Variants in XRCC4 observed in about 807,000 individuals in gnomAD.
XRCC4 encodes the protein X-ray repair cross complementing 4.
XRCC4 carries 28 observed loss-of-function variants against 39.1 expected under a neutral mutation model. The ratio of observed to expected loss-of-function variants is 0.72; its 90% CI spans 0.53 to 0.98. The LOEUF (loss-of-function observed/expected upper bound fraction) is 0.98. Among genes scored for constraint, XRCC4 ranks in the 50% least tolerant of loss-of-function variants. XRCC4 has a pLI of 0.00. For missense variants in XRCC4, 350 were observed against 376.4 expected, an observed-to-expected ratio of 0.93 and a Z score of 0.58; for synonymous variants, 123 against 126.4, an observed-to-expected ratio of 0.97 and a Z score of 0.18.
intron 3 of XRCC4, 142 bp from the exon 4 acceptor site, chr5:83,195,628 A>G (rs1580355572): frequency 1.3e-6 from 1 of 752,926 alleles, no homozygotes; most frequent in South Asian, 4.0e-5. Context: ...TTTTTTGCTC[A>G]CTGTTTGTAT....
chr5:83,249,468 A>G (rs16900267), intron 6 of XRCC4, among the ~76,000 whole-genome samples: 2,551 of 152,260 alleles, frequency 0.017, 80 homozygotes, highest in African/African-American at 0.058. Flanking sequence ...AACAACTACA[A>G]ACTGGCCAAA....
chr5:83,359,283 G>T, the XRCC4 span, among the ~76,000 whole-genome samples: 1 of 152,224 alleles, frequency 6.6e-6, no homozygotes, highest in South Asian at 2.1e-4. Context: ...AGAGGAGTTT[G>T]AAGTAGCGTA....
chr5:83,229,478 G>A (rs976674063), intron 6 of XRCC4, among the ~76,000 whole-genome samples: 3 of 151,424 alleles, frequency 2.0e-5, no homozygotes, highest in African/African-American at 4.9e-5. Context: ...GACCAATGAC[G>A]GGTTGTGAAG....
At chr5:83,266,163 A>C (rs902041637) in intron 7 of XRCC4, among the ~76,000 whole-genome samples, 15 of 151,824 alleles carry the variant, frequency 9.9e-5, no homozygotes, top group African/African-American at 3.4e-4. Context: ...TATTCACTAT[A>C]CATGGCCGGC....
At chr5:83,305,167 C>T (rs1755436061) in intron 7 of XRCC4, among the ~76,000 whole-genome samples, 1 of 152,014 alleles carries the variant, frequency 6.6e-6, no homozygotes. Flanking sequence ...ACAGAGTTCC[C>T]ATATACCTCA....
chr5:83,087,223 A>G (rs925485145), intron 1 of XRCC4, among the ~76,000 whole-genome samples: 4 of 151,888 alleles, frequency 2.6e-5, no homozygotes. Flanking sequence ...AGGCTGAGAC[A>G]TGAGAATTGC....
intron 7 of XRCC4, among the ~76,000 whole-genome samples, chr5:83,330,020 C>T (rs1756388205): frequency 1.3e-5 from 2 of 151,986 alleles, no homozygotes; most frequent in South Asian, 4.1e-4. Flanking sequence ...CACCAGATAA[C>T]AAAACTATTC....
rs200351539 is a variant in XRCC4, at chr5:83,321,056, G to A, written c.894-32075G>A. Among the ~76,000 whole-genome samples the A allele has an allele frequency of 9.2e-5, 14 of 152,062 alleles. No homozygotes were observed. In the East Asian group the frequency reaches 2.1e-3, roughly 23 times the overall value. On this transcript the variant is annotated intron_variant, in intron 7 of 7. Coordinates refer to ENST00000396027, the MANE Select transcript of XRCC4 (RefSeq NM_003401.5). ...GAACTCCTGACCCTGTGATCTGCCC[G>A]CCTCGGCCTCCCAAAGTGCTGGGAT... is the stretch of plus-strand genomic sequence containing the variant.
At chr5:83,219,167 G>A (rs1324729365) in intron 6 of XRCC4, among the ~76,000 whole-genome samples, 1 of 151,962 alleles carries the variant, frequency 6.6e-6, no homozygotes, top group African/African-American at 2.4e-5. Flanking sequence ...TTTTATAAGG[G>A]TACCAGTCAT....
intron 6 of XRCC4, among the ~76,000 whole-genome samples, chr5:83,245,801 T>C (rs1183039083): frequency 1.3e-5 from 2 of 152,012 alleles, no homozygotes; most frequent in Non-Finnish European, 2.9e-5. Context: ...AATCTATTTC[T>C]CGATCTGTTC....
At chr5:83,341,777 G>C (rs971382044) in intron 7 of XRCC4, among the ~76,000 whole-genome samples, 3 of 152,124 alleles carry the variant, frequency 2.0e-5, no homozygotes, top group African/African-American at 7.2e-5. Flanking sequence ...TGGCTGTGTG[G>C]TTTCAGGTAC....
intron 1 of XRCC4, among the ~76,000 whole-genome samples, chr5:83,094,191 AT>A (rs1378883969): frequency 1.3e-5 from 2 of 152,064 alleles, no homozygotes; most frequent in Non-Finnish European, 2.9e-5. Context: ...TTCTTTAAAT[AT>A]GCATCTACCT....
At chr5:83,332,269 A>AC (rs1491420167) in intron 7 of XRCC4, among the ~76,000 whole-genome samples, 4 of 150,144 alleles carry the variant, frequency 2.7e-5, no homozygotes, top group African/African-American at 7.3e-5. Flanking sequence ...ACACACACAG[A>AC]AAGAGAGAGA....
At chr5:83,079,631 C>T (rs573957748) in intron 1 of XRCC4, among the ~76,000 whole-genome samples, 10 of 152,212 alleles carry the variant, frequency 6.6e-5, no homozygotes, top group South Asian at 2.1e-4. Context: ...AGGGCAGAAG[C>T]GATCTATCCT....
chr5:83,239,187 T>C (rs1218711090), intron 6 of XRCC4, among the ~76,000 whole-genome samples: 1 of 152,042 alleles, frequency 6.6e-6, no homozygotes, highest in Admixed American at 6.5e-5. Context: ...GAATGCCACA[T>C]TGAATAAGAT....
At chr5:83,282,081 A>G (rs555528426) in intron 7 of XRCC4, among the ~76,000 whole-genome samples, 1 of 152,364 alleles carries the variant, frequency 6.6e-6, no homozygotes, top group Non-Finnish European at 1.5e-5. Flanking sequence ...AGATGAAGAA[A>G]TATGTCAGAA....
intron 7 of XRCC4, among the ~76,000 whole-genome samples, chr5:83,303,452 A>ATGT (rs1192800770): frequency 6.6e-6 from 1 of 152,154 alleles, no homozygotes; most frequent in African/African-American, 2.4e-5. Context: ...GATCACATAA[A>ATGT]TGTTGGTTGG....
At chr5:83,189,503 A>G (rs1750599369) in intron 3 of XRCC4, among the ~76,000 whole-genome samples, 1 of 152,242 alleles carries the variant, frequency 6.6e-6, no homozygotes, top group Non-Finnish European at 1.5e-5. Flanking sequence ...GATCCAAAAT[A>G]CATGGAGCTT....
In XRCC4 at chr5:83,328,180, T is replaced by C. The variant is rs1379915096; in HGVS notation, c.894-24951T>C. On this transcript the variant is annotated intron_variant, in intron 7 of 7. Transcript: ENST00000396027. ...AACCCCTGATAAACCCATCAGATCTTGTGAGACTTATTAACTATCAGGAGA... is the reference window on the plus strand; with the variant it reads ...AACCCCTGATAAACCCATCAGATCTCGTGAGACTTATTAACTATCAGGAGA... Among the ~76,000 whole-genome samples, 3 of 152,030 alleles carry C rather than the reference T, an allele frequency of 2.0e-5. No homozygotes were observed. The South Asian group carries it at 6.2e-4, about 32-fold the overall frequency.
Sources: gnomAD v4.1 joint callset for allele counts (sites outside exome capture counted in the v4.1 genomes callset) on GRCh38, gnomAD v4.1.1 for gene constraint, MANE v1.5 for transcripts, NCBI Gene and HGNC (gene_info 2026-07-23, HGNC 2026-07-21) for gene names.